ARHGEF12: variants seen among roughly 807,000 people sequenced by gnomAD.
The protein encoded by ARHGEF12 is KMT2A/ARHGEF12 fusion protein.
ARHGEF12 carries 66 observed loss-of-function variants against 211.2 expected under a neutral mutation model. The ratio of observed to expected loss-of-function variants is 0.31; its 90% CI spans 0.26 to 0.38. The LOEUF (loss-of-function observed/expected upper bound fraction) is 0.38. Among genes scored for constraint, ARHGEF12 ranks in the 10% least tolerant of loss-of-function variants. The probability of loss-of-function intolerance (pLI) is 1.00; values close to 1 mark genes in which losing one functional copy is unlikely to be tolerated. For synonymous variants in ARHGEF12, 592 were observed against 638.4 expected, an observed-to-expected ratio of 0.93 and a Z score of 1.09; for missense variants, 1,429 against 1,869.5, an observed-to-expected ratio of 0.76 and a Z score of 4.34.
intron 1 of ARHGEF12, among the ~76,000 whole-genome samples, chr11:120,359,778 G>A (rs1943230456): frequency 6.6e-6 from 1 of 152,172 alleles, no homozygotes; most frequent in Non-Finnish European, 1.5e-5. Context: ...TACTTTCAAA[G>A]GCTGGAGGAA....
intron 1 of ARHGEF12, among the ~76,000 whole-genome samples, chr11:120,384,846 C>T (rs890094352): frequency 1.3e-5 from 2 of 150,456 alleles, no homozygotes; most frequent in Non-Finnish European, 3.0e-5. Context: ...CCCAGATTCT[C>T]TTTGAAGGGG....
intron 1 of ARHGEF12, among the ~76,000 whole-genome samples, chr11:120,371,730 T>C (rs1943594217): frequency 1.3e-5 from 2 of 152,214 alleles, no homozygotes; most frequent in African/African-American, 4.8e-5. Flanking sequence ...ATTAAGCCTC[T>C]CTGCTTTCAG....
intron 34 of ARHGEF12, 79 bp downstream of exon 34, chr11:120,476,827 GT>G: frequency 8.5e-7 from 1 of 1,176,444 alleles, no homozygotes; most frequent in Non-Finnish European, 1.2e-6. Flanking sequence ...ACTTAACTTT[GT>G]TTTTATAATG....
intron 1 of ARHGEF12, among the ~76,000 whole-genome samples, chr11:120,344,489 C>T (rs1012568905): frequency 3.3e-5 from 5 of 151,888 alleles, no homozygotes; most frequent in African/African-American, 4.8e-5. Flanking sequence ...AGACACAAGC[C>T]GATATGTTGT....
chr11:120,364,101 G>A lies in ARHGEF12; in HGVS notation c.32+26826G>A, dbSNP rs4054. 2.6e-3 allele frequency among the ~76,000 whole-genome samples: 397 copies of A among 152,182 alleles called. 5 individuals carry two copies. Among genetic ancestry groups the A allele is most frequent in the Admixed American group, 0.02 (303 of 15,288 alleles). On this transcript the variant is annotated intron_variant, in intron 1 of 40. Transcript: ENST00000397843. ...TGGAACTACAGGCTCGAGCCACTGTGCCTGACTCTTACTCACTTTTTTGTT... is the reference window on the plus strand; with the variant it reads ...TGGAACTACAGGCTCGAGCCACTGTACCTGACTCTTACTCACTTTTTTGTT...
intron 11 of ARHGEF12, 150 bp downstream of exon 11, chr11:120,432,061 G>T: frequency 2.7e-6 from 2 of 727,292 alleles, no homozygotes; most frequent in Non-Finnish European, 2.0e-6. Context: ...ACAGAAATCT[G>T]GTTACTGTTA....
chr11:120,474,650 G>A lies in ARHGEF12; in HGVS notation c.3109+15G>A, dbSNP rs751269703. ...TAAAACTATTGGTAGGTCTGATATTGTCTTTTAGTTTTGGGGAGAGTGGCA... is the reference window on the plus strand; with the variant it reads ...TAAAACTATTGGTAGGTCTGATATTATCTTTTAGTTTTGGGGAGAGTGGCA... On this transcript the variant is annotated intron_variant, in intron 32 of 40. Coordinates refer to ENST00000397843, the MANE Select transcript of ARHGEF12 (RefSeq NM_015313.3). The A allele has an allele frequency of 1.4e-5, 22 of 1,593,828 alleles. No homozygotes were observed. The highest frequency in any genetic ancestry group is 1.7e-5 in the Non-Finnish European group (20 of 1,172,516).
intron 26 of ARHGEF12, 125 bp downstream of exon 26, chr11:120,459,445 A>G (rs1591620341): frequency 1.7e-5 from 17 of 1,010,748 alleles, no homozygotes; most frequent in Non-Finnish European, 2.4e-5. Flanking sequence ...TGTAAGATAA[A>G]TAAAGGAATG....
chr11:120,476,852 C>T lies in ARHGEF12; in HGVS notation c.3365+104C>T, dbSNP rs1947046868. ...GTTTTTATAATGTATGGAAACCAAGCACTTCCTCTGTACTCTTTTAGAGAC... is the reference window on the plus strand; with the variant it reads ...GTTTTTATAATGTATGGAAACCAAGTACTTCCTCTGTACTCTTTTAGAGAC... On this transcript the variant is annotated intron_variant, in intron 34 of 40. Transcript: ENST00000397843. 3.5e-6 allele frequency: 3 copies of T among 857,708 alleles called. No individual in the cohort carries two copies. The South Asian group carries it at 5.8e-5, about 16-fold the overall frequency. The allele number at this position is 857,708 out of a possible 1,614,324, so 53.1% of individuals were successfully genotyped here. A position where few individuals can be genotyped will look rare whatever the true frequency, so the allele number is the denominator to read the frequency against.
intron 38 of ARHGEF12, 44 bp from the exon 39 acceptor site, chr11:120,481,216 A>G (rs1334400109): frequency 6.4e-7 from 1 of 1,558,546 alleles, no homozygotes; most frequent in Non-Finnish European, 8.8e-7. Flanking sequence ...CTGTTTTCTA[A>G]TGGCAGCACT....
intron 4 of ARHGEF12, among the ~76,000 whole-genome samples, chr11:120,412,918 T>G (rs1944929932): frequency 6.6e-6 from 1 of 152,242 alleles, no homozygotes; most frequent in Admixed American, 6.5e-5. Flanking sequence ...TTTTTCATCC[T>G]TCACTCTTTG....
In ARHGEF12 at chr11:120,409,350, C is replaced by T. The variant is rs1944813646; in HGVS notation, c.143-44C>T. The T allele has an allele frequency of 3.8e-6, 6 of 1,598,942 alleles. No individual in the cohort carries two copies. The South Asian group carries it at 5.6e-5, about 15-fold the overall frequency. On this transcript the variant is annotated intron_variant, in intron 3 of 40. Coordinates refer to ENST00000397843, the MANE Select transcript of ARHGEF12 (RefSeq NM_015313.3). ...ATGAATTTTTCCCCTTACATTGTCTCCATATTTTCTATATCTCTCTCCTTT... is the reference window on the plus strand; with the variant it reads ...ATGAATTTTTCCCCTTACATTGTCTTCATATTTTCTATATCTCTCTCCTTT...
intron 7 of ARHGEF12, 150 bp from the exon 8 acceptor site, chr11:120,427,919 C>T (rs1275611310): frequency 1.2e-5 from 7 of 576,522 alleles, no homozygotes; most frequent in African/African-American, 3.8e-5. Flanking sequence ...GTTTTTTTTT[C>T]TGTGGAGACA....
intron 1 of ARHGEF12, among the ~76,000 whole-genome samples, chr11:120,371,794 C>G (rs921319746): frequency 9.2e-5 from 14 of 152,108 alleles, no homozygotes; most frequent in Admixed American, 2.0e-4. Flanking sequence ...GATGTATTTC[C>G]TCCTTTGAGA....
chr11:120,353,604 G>A (rs1474875311), intron 1 of ARHGEF12, among the ~76,000 whole-genome samples: 3 of 152,124 alleles, frequency 2.0e-5, no homozygotes, highest in Admixed American at 2.0e-4. Context: ...GGGATACCTG[G>A]CCCCTACCCA....
At chr11:120,484,579 T>G in intron 40 of ARHGEF12, 72 bp downstream of exon 40, 1 of 1,332,914 alleles carries the variant, frequency 7.5e-7, no homozygotes, top group Non-Finnish European at 1.1e-6. Context: ...TATCATACTT[T>G]GAAGTGAAAA....
Position 120,347,972 on chromosome 11 carries a change from A to G in ARHGEF12, c.32+10697A>G, listed in dbSNP as rs578253008. The stretch of plus-strand genomic sequence containing the variant: ...TAACATGATGGAAATATTTTAGTAT[A>G]GTACCACTATCAAATTAATTTTGTT... On this transcript the variant is annotated intron_variant, in intron 1 of 40. Transcript: ENST00000397843. 6.9e-4 allele frequency among the ~76,000 whole-genome samples: 105 copies of G among 152,366 alleles called. 2 individuals are homozygous for G. The South Asian group carries it at 0.021, about 30-fold the overall frequency.
At chr11:120,445,725 C>G (rs1034207822) in intron 16 of ARHGEF12, among the ~76,000 whole-genome samples, 8 of 151,642 alleles carry the variant, frequency 5.3e-5, no homozygotes, top group African/African-American at 1.9e-4. Flanking sequence ...ATGGTGGAAC[C>G]CTGTTTCTAC....
intron 16 of ARHGEF12, 101 bp downstream of exon 16, chr11:120,445,565 C>A: frequency 1.8e-6 from 2 of 1,126,696 alleles, no homozygotes; most frequent in Non-Finnish European, 1.4e-6. Flanking sequence ...ACTAGTCGAT[C>A]ACCTGAATCA....
Sources: gnomAD v4.1 joint callset for allele counts (sites outside exome capture counted in the v4.1 genomes callset) on GRCh38, gnomAD v4.1.1 for gene constraint, MANE v1.5 for transcripts, NCBI Gene and HGNC (gene_info 2026-07-23, HGNC 2026-07-21) for gene names.